Variants in GFPT1 observed in about 807,000 individuals in gnomAD.
GFPT1 encodes the protein glutamine--fructose-6-phosphate transaminase 1.
GFPT1 carries 40 observed loss-of-function variants against 92.0 expected under a neutral mutation model. The observed-to-expected ratio is 0.43, with a 90% CI of 0.34 to 0.57. The LOEUF is 0.57. Among genes scored for constraint, GFPT1 ranks in the 20% least tolerant of loss-of-function variants. The pLI, the probability that GFPT1 is intolerant of heterozygous loss-of-function variation, is 0.02. For missense variants in GFPT1, 448 were observed against 869.1 expected, an observed-to-expected ratio of 0.52 and a Z score of 6.09; for synonymous variants, 269 against 280.6, an observed-to-expected ratio of 0.96 and a Z score of 0.41.
intron 9 of GFPT1, among the ~76,000 whole-genome samples, chr2:69,353,558 T>C (rs960019175): frequency 1.3e-5 from 2 of 151,630 alleles, no homozygotes; most frequent in African/African-American, 4.8e-5. Flanking sequence ...CTGGGTATGA[T>C]GGCACACGCT....
intron 1 of GFPT1, among the ~76,000 whole-genome samples, chr2:69,382,620 C>T (rs1672036423): frequency 6.6e-6 from 1 of 152,186 alleles, no homozygotes; most frequent in African/African-American, 2.4e-5. Context: ...TACTTTGGAA[C>T]TCTTCTGCCT....
intron 11 of GFPT1, among the ~76,000 whole-genome samples, chr2:69,347,463 G>A (rs925922489): frequency 6.8e-6 from 1 of 147,736 alleles, no homozygotes; most frequent in South Asian, 2.1e-4. Context: ...AAGTGTGTCA[G>A]ACACTGTTTT....
intron 11 of GFPT1, among the ~76,000 whole-genome samples, chr2:69,347,058 T>A (rs921197644): frequency 5.3e-4 from 80 of 152,122 alleles, no homozygotes; most frequent in African/African-American, 1.9e-3. Flanking sequence ...TACAGGTACA[T>A]GCCACCATGC....
In GFPT1 at chr2:69,387,213, G is replaced by T. The variant is rs929710560; in HGVS notation, c.-142C>A. 3.4e-6 allele frequency: 3 copies of T among 892,400 alleles called. No individual in the cohort carries two copies. Among genetic ancestry groups the T allele is most frequent in the East Asian group, 6.5e-5 (2 of 30,850 alleles). 55.3% of individuals were successfully genotyped at this position (892,400 alleles called of 1,614,324 possible). ...CTCCCTCGGGGATGCGACGGCCAAG[G>T]CAACGACAGCCTTCTCCGCCTCCCG... On this transcript the variant is annotated 5_prime_UTR_variant, in exon 1 of 20. Transcript: ENST00000357308.
chr2:69,363,801 C>T lies in GFPT1; in HGVS notation c.224-131G>A, dbSNP rs79725633. On this transcript the variant is annotated intron_variant, in intron 3 of 19. Coordinates refer to ENST00000357308, the MANE Select transcript of GFPT1 (RefSeq NM_001244710.2). ...ACAATCACTGAAACTAAAGATCAGG[C>T]ATATTCAAAATAGTGATTAAAAGAC... The T allele has an allele frequency of 4.8e-3, 3,567 of 740,286 alleles. 83 individuals are homozygous for T. In the East Asian group the frequency reaches 0.049, roughly 10 times the overall value. The allele number at this position is 740,286 out of a possible 1,614,324, so 45.9% of individuals were successfully genotyped here.
Position 69,387,123 on chromosome 2 carries a change from G to T in GFPT1, c.-52C>A. The T allele has an allele frequency of 4.6e-6, 7 of 1,519,688 alleles. No homozygotes were observed. The highest frequency in any genetic ancestry group is 6.1e-6 in the Non-Finnish European group (7 of 1,139,592). The allele number at this position is 1,519,688 out of a possible 1,614,324, so 94.1% of individuals were successfully genotyped here. ...CAGGGGCGAGTGGCTGGCGGGATCG[G>T]GGGTGCACACACGAGCTTCGGTGGG... is the stretch of plus-strand genomic sequence containing the variant. On this transcript the variant is annotated 5_prime_UTR_variant, in exon 1 of 20. Transcript: ENST00000357308.
At chr2:69,351,547 T>G (rs2104641838) in intron 9 of GFPT1, among the ~76,000 whole-genome samples, 1 of 152,330 alleles carries the variant, frequency 6.6e-6, no homozygotes, top group South Asian at 2.1e-4. Context: ...CTATTTATCC[T>G]GAGCTGATCA....
chr2:69,359,134 G>C (rs1377586394), intron 5 of GFPT1, 134 bp downstream of exon 5: 2 of 681,056 alleles, frequency 2.9e-6, no homozygotes. Flanking sequence ...ATAAACCACC[G>C]TGCCCTTGGA....
Position 69,371,206 on chromosome 2 carries a change from G to C in GFPT1, c.116-1098C>G, listed in dbSNP as rs1051635148. 7 of 148,802 alleles carry C rather than the reference G, an allele frequency of 4.7e-5. No individual in the cohort carries two copies. In the Admixed American group the frequency reaches 4.8e-4, roughly 10 times the overall value. The allele number at this position is 148,802 out of a possible 1,614,324, so 9.2% of individuals were successfully genotyped here. A position where few individuals can be genotyped will look rare whatever the true frequency, so the allele number is the denominator to read the frequency against. On this transcript the variant is annotated intron_variant, in intron 2 of 19. Transcript: ENST00000357308. The stretch of plus-strand genomic sequence containing the variant: ...TTCTCCTGCCTCAGCCTCCCAAATA[G>C]CTGGGATCACAGGTGCACACCACAA...
intron 4 of GFPT1, among the ~76,000 whole-genome samples, chr2:69,361,000 G>C (rs1671458983): frequency 6.6e-6 from 1 of 152,018 alleles, no homozygotes; most frequent in South Asian, 2.1e-4. Flanking sequence ...CTCCCAAAGT[G>C]CTAGGATTAC....
chr2:69,334,491 C>T (rs1038349606), intron 15 of GFPT1: 1 of 151,984 alleles, frequency 6.6e-6, no homozygotes, highest in Non-Finnish European at 1.5e-5. Context: ...ATCTTTGCAA[C>T]TTCCTATATA....
At chr2:69,352,637 A>AC (rs1671238380) in intron 9 of GFPT1, among the ~76,000 whole-genome samples, 3 of 150,850 alleles carry the variant, frequency 2.0e-5, no homozygotes, top group South Asian at 2.1e-4. Context: ...AAAAAAAAAA[A>AC]CAACTACTTT....
intron 15 of GFPT1, among the ~76,000 whole-genome samples, chr2:69,337,518 T>C (rs1670830277): frequency 6.6e-6 from 1 of 152,224 alleles, no homozygotes; most frequent in Admixed American, 6.5e-5. Context: ...CTTTTCAAAT[T>C]CCAGACTATA....
At position 69,370,268 on chromosome 2, in the gene GFPT1, C is replaced by T. The variant is rs552492433; in HGVS notation, c.116-160G>A. On this transcript the variant is annotated intron_variant, in intron 2 of 19. Coordinates refer to ENST00000357308, the MANE Select transcript of GFPT1 (RefSeq NM_001244710.2). ...CTGAAAACCTATTGTGTGTCAAGAA[C>T]CAGGATAGCTGCTAGACACAAAAAC... Among the ~76,000 whole-genome samples, 32 of 152,234 alleles carry T rather than the reference C, an allele frequency of 2.1e-4. No homozygotes were observed. The South Asian group carries it at 5.0e-3, about 24-fold the overall frequency.
chr2:69,354,200 G>A, intron 9 of GFPT1, 59 bp downstream of exon 9: 1 of 1,181,766 alleles, frequency 8.5e-7, no homozygotes, highest in Non-Finnish European at 1.2e-6. Context: ...AAAAGAATTA[G>A]TAAAGAATAA....
At position 69,363,680 on chromosome 2, in the gene GFPT1, A is replaced by G. The variant is rs777508704; in HGVS notation, c.224-10T>C. 63 of 1,583,862 alleles carry G rather than the reference A, an allele frequency of 4.0e-5. No individual in the cohort carries two copies. The East Asian group carries it at 1.3e-3, about 34-fold the overall frequency. On this transcript the variant is annotated splice_polypyrimidine_tract_variant and intron_variant, in intron 3 of 19. Coordinates refer to ENST00000357308, the MANE Select transcript of GFPT1 (RefSeq NM_001244710.2). ...TCCATATCTTGTTGCTCTGAAGAAT[A>G]TGAAAAGAAAAATTTCAATATTAAA...
intron 13 of GFPT1, among the ~76,000 whole-genome samples, chr2:69,339,163 T>C (rs1414891846): frequency 6.6e-6 from 1 of 152,212 alleles, no homozygotes. Flanking sequence ...TGAGTCAGCT[T>C]GTGTGTTATC....
intron 3 of GFPT1, 127 bp from the exon 4 acceptor site, chr2:69,363,797 C>T: frequency 1.3e-6 from 1 of 744,000 alleles, no homozygotes; most frequent in South Asian, 1.6e-5. Context: ...AACTAAAGAT[C>T]AGGCATATTC....
chr2:69,328,904 C>T (rs1297220030), intron 17 of GFPT1, among the ~76,000 whole-genome samples: 3 of 152,036 alleles, frequency 2.0e-5, no homozygotes, highest in African/African-American at 7.2e-5. Context: ...GGTTTCACCA[C>T]GTTGGCCAGG....
Sources: allele counts gnomAD v4.1 joint callset (sites outside exome capture counted in the v4.1 genomes callset), GRCh38; gene constraint gnomAD v4.1.1; transcripts MANE v1.5; gene names NCBI Gene and HGNC (gene_info 2026-07-23, HGNC 2026-07-21).